The following RFX7 variants were observed in gnomAD, a reference collection of about 807,000 sequenced individuals.
RFX7 encodes DNA-binding protein RFX7.
Under a neutral mutation model 111.8 loss-of-function variants are expected in RFX7, and 26 were observed. The observed-to-expected ratio is 0.23, with a 90% CI of 0.17 to 0.32. The LOEUF (loss-of-function observed/expected upper bound fraction) is 0.32. Ranked by LOEUF, RFX7 falls within the 10% of genes least tolerant of loss-of-function variation. The probability of loss-of-function intolerance (pLI) is 1.00; values close to 1 mark genes in which losing one functional copy is unlikely to be tolerated. For missense variants in RFX7, 1,573 were observed against 1,772.9 expected, an observed-to-expected ratio of 0.89 and a Z score of 2.02; for synonymous variants, 624 against 624.4, an observed-to-expected ratio of 1.00 and a Z score of 0.01.
chr15:56,092,786 C>T lies in RFX7; in HGVS notation c.*559G>A, dbSNP rs941363076. 9 of 152,506 alleles carry T rather than the reference C, an allele frequency of 5.9e-5. No homozygotes were observed. Among genetic ancestry groups the T allele is most frequent in the South Asian group, 2.1e-4 (1 of 4,818 alleles). The allele number at this position is 152,506 out of a possible 1,614,324, so 9.4% of individuals were successfully genotyped here. A position where few individuals can be genotyped will look rare whatever the true frequency, so the allele number is the denominator to read the frequency against. ...TTTTCCATTATTTTCTATTTAAGCC[C>T]TTCATCGTGGGTGTAAATGGTACTG... On this transcript the variant is annotated 3_prime_UTR_variant, in exon 10 of 10. Transcript: ENST00000559447.
At chr15:56,203,013 A>G (rs1210075885) in intron 2 of RFX7, among the ~76,000 whole-genome samples, 5 of 152,284 alleles carry the variant, frequency 3.3e-5, no homozygotes, top group African/African-American at 1.2e-4. Context: ...CAGTATCTCA[A>G]TATCTGCCCT....
At chr15:56,224,480 T>TGTGTGTGTGTGTGTGTGC (rs1194928712) in intron 2 of RFX7, among the ~76,000 whole-genome samples, 8 of 151,570 alleles carry the variant, frequency 5.3e-5, no homozygotes, top group Non-Finnish European at 1.5e-5. Flanking sequence ...TGTGTGTGTG[T>TGTGTGTGTGTGTGTGTGC]GTGTGTGTGT....
At chr15:56,152,974 C>T (rs926218666) in intron 3 of RFX7, among the ~76,000 whole-genome samples, 5 of 152,050 alleles carry the variant, frequency 3.3e-5, no homozygotes, top group African/African-American at 1.2e-4. Context: ...AATGGATAAA[C>T]TCCTGGACAT....
At chr15:56,170,301 A>G (rs575056737) in intron 3 of RFX7, among the ~76,000 whole-genome samples, 1 of 152,346 alleles carries the variant, frequency 6.6e-6, no homozygotes, top group East Asian at 1.9e-4. Context: ...AAATCATAGA[A>G]GGCTTTCCAG....
At chr15:56,218,646 G>A (rs577056443) in intron 2 of RFX7, among the ~76,000 whole-genome samples, 1 of 152,242 alleles carries the variant, frequency 6.6e-6, no homozygotes, top group South Asian at 2.1e-4. Context: ...AAAGCGGAAA[G>A]CCAACTTTAA....
At chr15:56,109,035 C>G (rs1252735633) in intron 5 of RFX7, among the ~76,000 whole-genome samples, 4 of 151,276 alleles carry the variant, frequency 2.6e-5, no homozygotes, top group Admixed American at 1.3e-4. Flanking sequence ...CTCTCCCTCT[C>G]CCTCTCCCAC....
intron 4 of RFX7, among the ~76,000 whole-genome samples, chr15:56,143,794 T>C (rs745778519): frequency 3.3e-5 from 5 of 152,120 alleles, no homozygotes; most frequent in African/African-American, 4.8e-5. Flanking sequence ...TTTTAAAAAA[T>C]AGAATGATAA....
chr15:56,107,063 C>T (rs1164517819), intron 5 of RFX7, among the ~76,000 whole-genome samples: 2 of 151,816 alleles, frequency 1.3e-5, no homozygotes, highest in African/African-American at 4.8e-5. Flanking sequence ...TTTGGGAGGC[C>T]GAGGCAGGCA....
At chr15:56,186,499 A>G (rs1235686779) in intron 2 of RFX7, among the ~76,000 whole-genome samples, 2 of 151,988 alleles carry the variant, frequency 1.3e-5, no homozygotes, top group African/African-American at 2.4e-5. Flanking sequence ...ACCTTTCTGT[A>G]TATATCTTAT....
intron 5 of RFX7, among the ~76,000 whole-genome samples, chr15:56,111,257 G>A (rs1281364250): frequency 1.3e-5 from 2 of 150,432 alleles, no homozygotes; most frequent in Non-Finnish European, 3.0e-5. Flanking sequence ...CCGTGTCTGT[G>A]TAGAAAGAGG....
At chr15:56,138,314 A>G (rs1238734591) in intron 5 of RFX7, among the ~76,000 whole-genome samples, 12 of 148,022 alleles carry the variant, frequency 8.1e-5, no homozygotes, top group South Asian at 4.6e-4. Flanking sequence ...TTGGGTGCAT[A>G]TATATTTAGG....
rs147686282 is a variant in RFX7 at position 56,152,131 on chromosome 15, A to T, written c.196-7648T>A. ...TAGGAGACTTTAACACCCCACTGTC[A>T]ATATTAGATAAATGAGATAGAAAAT... On this transcript the variant is annotated intron_variant, in intron 3 of 9. Coordinates refer to ENST00000559447, the MANE Select transcript of RFX7 (RefSeq NM_022841.7). 3.2e-3 allele frequency among the ~76,000 whole-genome samples: 493 copies of T among 152,202 alleles called. 1 individual carries two copies. Among genetic ancestry groups the T allele is most frequent in the Non-Finnish European group, 5.3e-3 (360 of 67,956 alleles).
chr15:56,117,606 C>T (rs1227966582), intron 5 of RFX7, among the ~76,000 whole-genome samples: 2 of 151,960 alleles, frequency 1.3e-5, no homozygotes, highest in Non-Finnish European at 1.5e-5. Flanking sequence ...ATTTTGTATC[C>T]TTTAACCACT....
intron 5 of RFX7, among the ~76,000 whole-genome samples, chr15:56,104,294 C>T (rs1293254696): frequency 6.6e-6 from 1 of 152,052 alleles, no homozygotes; most frequent in African/African-American, 2.4e-5. Context: ...GGAGACACAC[C>T]AAGTCTTAAC....
chr15:56,216,785 A>C (rs1158941117), intron 2 of RFX7, among the ~76,000 whole-genome samples: 1 of 152,164 alleles, frequency 6.6e-6, no homozygotes, highest in African/African-American at 2.4e-5. Flanking sequence ...ATTATCATCA[A>C]ATTTTCTACA....
chr15:56,183,398 T>C (rs1303007532), intron 2 of RFX7, among the ~76,000 whole-genome samples: 1 of 152,170 alleles, frequency 6.6e-6, no homozygotes, highest in Non-Finnish European at 1.5e-5. Context: ...CTAAAAGTTT[T>C]GAAGTTAGCT....
intron 2 of RFX7, among the ~76,000 whole-genome samples, chr15:56,180,152 T>C (rs531244871): frequency 1.3e-5 from 2 of 152,258 alleles, no homozygotes; most frequent in Admixed American, 6.5e-5. Context: ...AAGCCAAATA[T>C]ATGTAAACCA....
intron 5 of RFX7, among the ~76,000 whole-genome samples, chr15:56,106,259 T>C (rs1488540163): frequency 1.3e-5 from 2 of 152,266 alleles, no homozygotes; most frequent in Non-Finnish European, 2.9e-5. Context: ...CATCTGGTTT[T>C]TGATACTTAT....
intron 2 of RFX7, among the ~76,000 whole-genome samples, chr15:56,179,761 A>AAT (rs2042946043): frequency 7.3e-6 from 1 of 137,332 alleles, no homozygotes; most frequent in Non-Finnish European, 1.6e-5. Context: ...TCTCTGTCTC[A>AAT]ACACACACAC....
Sources: allele counts gnomAD v4.1 joint callset (sites outside exome capture counted in the v4.1 genomes callset), GRCh38; gene constraint gnomAD v4.1.1; transcripts MANE v1.5; gene names NCBI Gene and HGNC (gene_info 2026-07-23, HGNC 2026-07-21).